Variants in UNC5C observed in about 807,000 individuals in gnomAD.
UNC5C encodes unc-5 netrin receptor C.
In UNC5C, 47 loss-of-function variants were observed where a neutral mutation model predicts 99.8. That is an observed-to-expected ratio of 0.47 (90% CI 0.37 to 0.60). The LOEUF (loss-of-function observed/expected upper bound fraction) is 0.60. Among genes scored for constraint, UNC5C ranks in the 20% least tolerant of loss-of-function variants. The probability of loss-of-function intolerance (pLI) is 0.00; values close to 1 mark genes in which losing one functional copy is unlikely to be tolerated. For synonymous variants in UNC5C, 487 were observed against 452.2 expected (o/e 1.08, Z -0.98); for missense variants, 1,062 against 1,165.9 (o/e 0.91, Z 1.30).
intron 1 of UNC5C, among the ~76,000 whole-genome samples, chr4:95,425,896 TTTA>T (rs1330758863): frequency 2.0e-5 from 3 of 152,208 alleles, no homozygotes; most frequent in African/African-American, 4.8e-5. Context: ...GTTTTAAATT[TTTA>T]TTATAACTTC....
intron 2 of UNC5C, among the ~76,000 whole-genome samples, chr4:95,315,178 T>C (rs1742427121): frequency 6.6e-6 from 1 of 152,188 alleles, no homozygotes; most frequent in South Asian, 2.1e-4. Flanking sequence ...AAACCTACTG[T>C]GTGCCAAGCA....
intron 1 of UNC5C, among the ~76,000 whole-genome samples, chr4:95,534,978 A>C (rs1008884191): frequency 6.6e-6 from 1 of 152,174 alleles, no homozygotes; most frequent in Non-Finnish European, 1.5e-5. Context: ...AGCAAAGGGT[A>C]AAAAGTTTGC....
chr4:95,362,236 A>C (rs1228190819), intron 1 of UNC5C, among the ~76,000 whole-genome samples: 1 of 152,114 alleles, frequency 6.6e-6, no homozygotes, highest in Non-Finnish European at 1.5e-5. Flanking sequence ...TCGGTTTCCC[A>C]CTCGCTTCCC....
chr4:95,185,020 AC>A (rs1736774436), intron 13 of UNC5C, 26 bp downstream of exon 13: 5 of 1,597,000 alleles, frequency 3.1e-6, no homozygotes, highest in Non-Finnish European at 4.3e-6. Context: ...ATGTCTCCAG[AC>A]CTTTTGTTCG....
At chr4:95,527,658 T>C (rs1043406610) in intron 1 of UNC5C, among the ~76,000 whole-genome samples, 3 of 152,126 alleles carry the variant, frequency 2.0e-5, no homozygotes, top group Non-Finnish European at 4.4e-5. Context: ...ATGAAATTTA[T>C]TTTTATGGAC....
chr4:95,327,731 G>A (rs1054642987), intron 2 of UNC5C, among the ~76,000 whole-genome samples: 33 of 152,206 alleles, frequency 2.2e-4, no homozygotes, highest in African/African-American at 3.1e-4. Context: ...GAGCCTGGCC[G>A]CAGATGGCCG....
intron 1 of UNC5C, among the ~76,000 whole-genome samples, chr4:95,523,477 G>A (rs937647884): frequency 1.3e-5 from 2 of 152,130 alleles, no homozygotes; most frequent in South Asian, 2.1e-4. Context: ...TAGGATAGAT[G>A]AAAAGTTATG....
At chr4:95,225,070 G>A (rs1738630904) in intron 7 of UNC5C, among the ~76,000 whole-genome samples, 3 of 152,078 alleles carry the variant, frequency 2.0e-5, no homozygotes, top group Non-Finnish European at 2.9e-5. Context: ...GTCCTGGTGG[G>A]CCAGGATGAG....
At position 95,335,410 on chromosome 4, in the gene UNC5C, CG is replaced by C; in HGVS notation, c.345del (p.Gly116ValfsTer7). ...AATGCAAATGCAATGGAAAACTCACCGGAAGTTTCATCTACTCTTTCATCTA... is the reference window on the plus strand; with the variant it reads ...AATGCAAATGCAATGGAAAACTCACCGAAGTTTCATCTACTCTTTCATCTA... The part of the protein sequence containing the change: ...HIVDERVDET[S>X]GLIVREVSIE... On this transcript the variant is annotated frameshift_variant and splice_region_variant, in exon 2 of 16. Transcript: ENST00000453304. LOFTEE classifies it high-confidence loss of function. 1 of 1,610,044 alleles carries C rather than the reference CG, an allele frequency of 6.2e-7. No individual in the cohort carries two copies. Among genetic ancestry groups the C allele is most frequent in the East Asian group, 2.2e-5 (1 of 44,774 alleles).
intron 1 of UNC5C, among the ~76,000 whole-genome samples, chr4:95,448,225 T>A (rs71617620): frequency 0.35 from 35,248 of 99,610 alleles, 6,214 homozygotes; most frequent in Admixed American, 0.48. Context: ...TGTGTGTGTG[T>A]GTGAGAGAGA....
At chr4:95,344,340 C>G (rs1385857593) in intron 1 of UNC5C, among the ~76,000 whole-genome samples, 1 of 151,926 alleles carries the variant, frequency 6.6e-6, no homozygotes, top group Non-Finnish European at 1.5e-5. Flanking sequence ...AATAGTATAT[C>G]AAGAGAAAAT....
At chr4:95,391,064 A>C (rs1745344882) in intron 1 of UNC5C, among the ~76,000 whole-genome samples, 1 of 152,134 alleles carries the variant, frequency 6.6e-6, no homozygotes, top group African/African-American at 2.4e-5. Context: ...GGTTTTATAA[A>C]TAGGAGTTCC....
chr4:95,354,255 C>T (rs1744092005), intron 1 of UNC5C, among the ~76,000 whole-genome samples: 1 of 151,760 alleles, frequency 6.6e-6, no homozygotes, highest in South Asian at 2.1e-4. Flanking sequence ...ATTCCTGTAG[C>T]TCCTCGTTTC....
At chr4:95,172,385 T>A (rs80111647) in intron 14 of UNC5C, among the ~76,000 whole-genome samples, 6 of 150,324 alleles carry the variant, frequency 4.0e-5, no homozygotes, top group Non-Finnish European at 8.9e-5. Context: ...CTAACGTTTA[T>A]GTCTTTAATC....
intron 12 of UNC5C, among the ~76,000 whole-genome samples, chr4:95,196,991 T>C (rs1387525651): frequency 7.4e-5 from 1 of 13,466 alleles, no homozygotes; most frequent in Non-Finnish European, 1.1e-4. Flanking sequence ...ATATATAATA[T>C]ATATTTATAT....
chr4:95,176,776 C>G (rs945211841), intron 14 of UNC5C, among the ~76,000 whole-genome samples: 70 of 152,352 alleles, frequency 4.6e-4, no homozygotes, highest in African/African-American at 1.6e-3. Flanking sequence ...CCACCCAGTT[C>G]GAGCTTCCTG....
In UNC5C at chr4:95,214,845, T is replaced by A. The variant is rs370359378; in HGVS notation, c.1733+1279A>T. On this transcript the variant is annotated intron_variant, in intron 10 of 15. Coordinates refer to ENST00000453304, the MANE Select transcript of UNC5C (RefSeq NM_003728.4). ...AGATCTTGGAGTTTGCTGATCTTCTTTTCTCCTGATGCAAAAGAAGGGAGC... is the reference window on the plus strand; with the variant it reads ...AGATCTTGGAGTTTGCTGATCTTCTATTCTCCTGATGCAAAAGAAGGGAGC... Among the ~76,000 whole-genome samples the A allele has an allele frequency of 4.1e-4, 62 of 151,784 alleles. 1 individual carries two copies. The South Asian group carries it at 0.012, about 30-fold the overall frequency.
chr4:95,404,550 G>A (rs959046089), intron 1 of UNC5C, among the ~76,000 whole-genome samples: 2 of 152,092 alleles, frequency 1.3e-5, no homozygotes, highest in Non-Finnish European at 2.9e-5. Context: ...CGTTCTCTGG[G>A]ACACTTGTTT....
chr4:95,294,424 C>T (rs1741599558), intron 3 of UNC5C, among the ~76,000 whole-genome samples: 1 of 152,152 alleles, frequency 6.6e-6, no homozygotes, highest in Admixed American at 6.5e-5. Context: ...CTCTTTGTGG[C>T]CAGCAGGCTT....
Sources: allele counts gnomAD v4.1 joint callset (sites outside exome capture counted in the v4.1 genomes callset), GRCh38; gene constraint gnomAD v4.1.1; transcripts MANE v1.5; gene names NCBI Gene and HGNC (gene_info 2026-07-23, HGNC 2026-07-21).